CADPS: variants seen among roughly 807,000 people sequenced by gnomAD.
The protein encoded by CADPS is calcium-dependent secretion activator 1.
CADPS carries 57 observed loss-of-function variants against 167.3 expected under a neutral mutation model. The observed-to-expected ratio is 0.34, with a 90% CI of 0.28 to 0.42. The LOEUF (loss-of-function observed/expected upper bound fraction) is 0.42, where lower values mean the gene tolerates loss of function less well. Among genes scored for constraint, CADPS ranks in the 20% least tolerant of loss-of-function variants. The pLI is 1.00. For missense variants in CADPS, 1,414 were observed against 1,738.1 expected, an observed-to-expected ratio of 0.81 and a Z score of 3.32; for synonymous variants, 676 against 635.3, an observed-to-expected ratio of 1.06 and a Z score of -0.96.
intron 13 of CADPS, among the ~76,000 whole-genome samples, chr3:62,522,196 G>A (rs528379403): frequency 6.8e-4 from 104 of 151,962 alleles, no homozygotes; most frequent in Non-Finnish European, 1.3e-3. Context: ...GAGTGCAGTG[G>A]CGCAATCTCT....
intron 16 of CADPS, among the ~76,000 whole-genome samples, chr3:62,515,284 C>T (rs1276736135): frequency 2.0e-5 from 3 of 152,098 alleles, no homozygotes; most frequent in South Asian, 2.1e-4. Context: ...TATACACTTA[C>T]ACCACTGGTC....
intron 1 of CADPS, among the ~76,000 whole-genome samples, chr3:62,807,587 C>T (rs1013494568): frequency 1.3e-5 from 2 of 151,836 alleles, no homozygotes; most frequent in African/African-American, 4.8e-5. Flanking sequence ...AGTTTCTATC[C>T]AACACGATAA....
intron 1 of CADPS, among the ~76,000 whole-genome samples, chr3:62,813,895 T>G (rs1213044776): frequency 6.6e-6 from 1 of 152,108 alleles, no homozygotes; most frequent in Non-Finnish European, 1.5e-5. Context: ...TTGCCTTGTT[T>G]CCAACACAGA....
At chr3:62,716,040 C>T (rs142569920) in intron 3 of CADPS, among the ~76,000 whole-genome samples, 134 of 149,650 alleles carry the variant, frequency 9.0e-4, no homozygotes, top group Non-Finnish European at 1.6e-3. Context: ...CCACTGCATC[C>T]GACCATAAAT....
In CADPS at chr3:62,650,806, T is replaced by C. The variant is rs747508616; in HGVS notation, c.1203+41A>G. On this transcript the variant is annotated intron_variant, in intron 5 of 29. Transcript: ENST00000383710. ...ACGCATCTAATCGCCCATGTCCTAC[T>C]TGCTGTGCCAAGAAACTTTCAAGGG... 6.0e-6 allele frequency: 9 copies of C among 1,498,114 alleles called. No individual in the cohort carries two copies. The East Asian group carries it at 2.0e-4, about 34-fold the overall frequency. 92.8% of individuals were successfully genotyped at this position (1,498,114 alleles called of 1,614,324 possible).
At position 62,618,124 on chromosome 3, in the gene CADPS, G is replaced by A. The variant is rs148270143; in HGVS notation, c.1326-25376C>T. On this transcript the variant is annotated intron_variant, in intron 6 of 29. Coordinates refer to ENST00000383710, the MANE Select transcript of CADPS (RefSeq NM_003716.4). ...AATTTAGGCTGAAACCCCAGGGAAGGGAAAGCTATTCCCATTGGAGTTACT... is the reference window on the plus strand; with the variant it reads ...AATTTAGGCTGAAACCCCAGGGAAGAGAAAGCTATTCCCATTGGAGTTACT... 6.0e-3 allele frequency among the ~76,000 whole-genome samples: 920 copies of A among 152,204 alleles called. 5 individuals carry two copies. The highest frequency in any genetic ancestry group is 7.8e-3 in the Non-Finnish European group (528 of 68,016).
chr3:62,851,756 G>A (rs1442846311), intron 1 of CADPS, among the ~76,000 whole-genome samples: 1 of 149,612 alleles, frequency 6.7e-6, no homozygotes. Flanking sequence ...ATGTGTCTTG[G>A]AGTTGTTCTT....
At chr3:62,737,815 C>T (rs955741716) in intron 3 of CADPS, among the ~76,000 whole-genome samples, 2 of 152,148 alleles carry the variant, frequency 1.3e-5, no homozygotes, top group African/African-American at 4.8e-5. Flanking sequence ...CCTTCATTTC[C>T]ATCAGGCCTC....
intron 13 of CADPS, among the ~76,000 whole-genome samples, chr3:62,518,612 G>A (rs1250885394): frequency 6.6e-6 from 1 of 152,152 alleles, no homozygotes; most frequent in African/African-American, 2.4e-5. Flanking sequence ...ATACGATTCT[G>A]ATTTCTGTTT....
intron 4 of CADPS, among the ~76,000 whole-genome samples, chr3:62,657,756 T>G (rs570701633): frequency 1.3e-5 from 2 of 152,268 alleles, no homozygotes; most frequent in East Asian, 3.9e-4. Flanking sequence ...ACTGACAGAT[T>G]ACACTGCAAG....
At chr3:62,613,171 G>A (rs552961848) in intron 6 of CADPS, among the ~76,000 whole-genome samples, 8 of 152,126 alleles carry the variant, frequency 5.3e-5, no homozygotes, top group Non-Finnish European at 8.8e-5. Context: ...TGTACTAAAG[G>A]GATAACAGGG....
chr3:62,504,238 T>C (rs1459852515), intron 17 of CADPS, among the ~76,000 whole-genome samples: 1 of 152,216 alleles, frequency 6.6e-6, no homozygotes, highest in Non-Finnish European at 1.5e-5. Context: ...GACTCAGTTT[T>C]AAATGATAAC....
At chr3:62,582,234 C>T (rs1367456530) in intron 8 of CADPS, among the ~76,000 whole-genome samples, 1 of 152,162 alleles carries the variant, frequency 6.6e-6, no homozygotes, top group Non-Finnish European at 1.5e-5. Context: ...TTGCTTGAGT[C>T]CAGGAGTTTG....
At chr3:62,867,393 T>C (rs2081899925) in intron 1 of CADPS, among the ~76,000 whole-genome samples, 2 of 152,204 alleles carry the variant, frequency 1.3e-5, no homozygotes, top group Middle Eastern at 6.8e-3. Context: ...GTGCTTGGCA[T>C]TAGCCATTTA....
chr3:62,434,350 G>A (rs2149682665), intron 28 of CADPS, among the ~76,000 whole-genome samples: 1 of 152,212 alleles, frequency 6.6e-6, no homozygotes, highest in Middle Eastern at 3.4e-3. Context: ...TTTCTGATCA[G>A]CACTTTGTCT....
At chr3:62,527,439 C>A (rs930812874) in intron 13 of CADPS, among the ~76,000 whole-genome samples, 1 of 151,826 alleles carries the variant, frequency 6.6e-6, no homozygotes, top group African/African-American at 2.4e-5. Context: ...ACCAAATGTT[C>A]TGTGTGTGCT....
chr3:62,547,599 C>T (rs1029571891), intron 11 of CADPS, among the ~76,000 whole-genome samples: 7 of 113,334 alleles, frequency 6.2e-5, no homozygotes, highest in African/African-American at 2.5e-4. Context: ...CCCCCCCCCC[C>T]GCAAATTCTA....
chr3:62,399,672 C>A lies in CADPS; in HGVS notation c.3883-87G>T. ...GTAAAAGCAGGTGTGGGTGGGAGAG[C>A]ACTGACCTTCAGCTAAATATCACAC... On this transcript the variant is annotated intron_variant, in intron 29 of 29. Transcript: ENST00000383710. The surrounding 1 kb of genome is among the most constrained non-coding windows in gnomAD (Gnocchi z 5.6). 9.8e-7 allele frequency: 1 copy of A among 1,024,408 alleles called. No homozygotes were observed. The highest frequency in any genetic ancestry group is 1.5e-5 in the South Asian group (1 of 67,984). 63.5% of individuals were successfully genotyped at this position (1,024,408 alleles called of 1,614,324 possible). A position where few individuals can be genotyped will look rare whatever the true frequency, so the allele number is the denominator to read the frequency against.
chr3:62,525,395 T>C (rs1156528983), intron 13 of CADPS, among the ~76,000 whole-genome samples: 2 of 152,124 alleles, frequency 1.3e-5, no homozygotes, highest in Admixed American at 6.5e-5. Context: ...GCTGGCTCCT[T>C]AGAATTTAGA....
Sources: gnomAD v4.1 joint callset for allele counts (sites outside exome capture counted in the v4.1 genomes callset) on GRCh38, gnomAD v4.1.1 for gene constraint, Gnocchi (gnomAD v3.1) non-coding constraint, MANE v1.5 for transcripts, NCBI Gene and HGNC (gene_info 2026-07-23, HGNC 2026-07-21) for gene names.